The following SRRM4 variants were observed in gnomAD, a reference collection of about 807,000 sequenced individuals.
The protein encoded by SRRM4 is serine/arginine repetitive matrix 4, also known as serine/arginine repetitive matrix protein 4.
A neutral mutation model predicts 68.9 loss-of-function variants in SRRM4; 33 were observed. The observed-to-expected ratio is 0.48, with a 90% CI of 0.36 to 0.64. The LOEUF is 0.64. Among genes scored for constraint, SRRM4 ranks in the 30% least tolerant of loss-of-function variants. The pLI is 0.00. For synonymous variants in SRRM4, 318 were observed against 318.8 expected (o/e 1.00, Z 0.03); for missense variants, 817 against 827.1 (o/e 0.99, Z 0.15).
chr12:119,023,551 G>C (rs1203321941), intron 1 of SRRM4, among the ~76,000 whole-genome samples: 1 of 152,214 alleles, frequency 6.6e-6, no homozygotes, highest in Non-Finnish European at 1.5e-5. Context: ...AGCAGAGCTT[G>C]AGCAGTCCTT....
intron 1 of SRRM4, among the ~76,000 whole-genome samples, chr12:119,018,303 G>A (rs1953494016): frequency 6.6e-6 from 1 of 152,178 alleles, no homozygotes; most frequent in Non-Finnish European, 1.5e-5. Flanking sequence ...CCTTGGGCAT[G>A]CACAGTTATC....
At chr12:119,109,517 C>A (rs914112269) in intron 2 of SRRM4, among the ~76,000 whole-genome samples, 1 of 152,138 alleles carries the variant, frequency 6.6e-6, no homozygotes, top group Admixed American at 6.5e-5. Flanking sequence ...TTGTTCATTT[C>A]TTTTTACTCT....
intron 8 of SRRM4, among the ~76,000 whole-genome samples, chr12:119,134,001 T>G (rs775845268): frequency 6.6e-6 from 1 of 151,890 alleles, no homozygotes; most frequent in Non-Finnish European, 1.5e-5. Flanking sequence ...GGTGAGCCAA[T>G]GAAGGGGGAA....
chr12:119,087,110 C>T (rs1592893175), intron 1 of SRRM4, among the ~76,000 whole-genome samples: 2 of 152,164 alleles, frequency 1.3e-5, no homozygotes, highest in Admixed American at 1.3e-4. Flanking sequence ...CAAATTCCTT[C>T]TCTACCACCT....
At chr12:119,009,218 C>T (rs146525340) in intron 1 of SRRM4, among the ~76,000 whole-genome samples, 1 of 152,258 alleles carries the variant, frequency 6.6e-6, no homozygotes, top group African/African-American at 2.4e-5. Flanking sequence ...TTTAATTATC[C>T]CACCGAATGG....
chr12:119,051,099 T>A (rs1479034383), intron 1 of SRRM4, among the ~76,000 whole-genome samples: 1 of 152,156 alleles, frequency 6.6e-6, no homozygotes, highest in African/African-American at 2.4e-5. Context: ...ACTGAGGGAT[T>A]GCTACTGGTG....
chr12:119,010,933 A>C (rs575728282), intron 1 of SRRM4, among the ~76,000 whole-genome samples: 26 of 152,384 alleles, frequency 1.7e-4, no homozygotes, highest in Middle Eastern at 6.8e-3. Flanking sequence ...GGGATGACAC[A>C]CAAGTTGTAA....
At chr12:119,075,443 A>ATGATGATGG (rs549589612) in intron 1 of SRRM4, among the ~76,000 whole-genome samples, 81,873 of 141,624 alleles carry the variant, frequency 0.58, 23,517 homozygotes, top group Middle Eastern at 0.76. Flanking sequence ...GATGATGGTG[A>ATGATGATGG]TGATGATGGT....
At chr12:119,081,933 A>G (rs540830351) in intron 1 of SRRM4, among the ~76,000 whole-genome samples, 1 of 152,300 alleles carries the variant, frequency 6.6e-6, no homozygotes, top group African/African-American at 2.4e-5. Context: ...ATGTATTTAT[A>G]CCTTTACTTT....
At chr12:119,080,827 A>G (rs1023774481) in intron 1 of SRRM4, among the ~76,000 whole-genome samples, 62 of 152,210 alleles carry the variant, frequency 4.1e-4, no homozygotes, top group African/African-American at 1.4e-3. Flanking sequence ...TTAGTCTTCA[A>G]TCTCTCTTTT....
chr12:119,134,102 T>C (rs67779335), intron 8 of SRRM4, among the ~76,000 whole-genome samples: 16,525 of 152,200 alleles, frequency 0.11, 1,107 homozygotes, highest in African/African-American at 0.18. Flanking sequence ...AAGGATTTTC[T>C]ATGCCATATT....
chr12:119,038,049 A>G (rs1454131956), intron 1 of SRRM4, among the ~76,000 whole-genome samples: 1 of 152,152 alleles, frequency 6.6e-6, no homozygotes, highest in African/African-American at 2.4e-5. Flanking sequence ...TTGAGCAACT[A>G]CTATGGGCCA....
chr12:118,984,278 G>A (rs1226345249), intron 1 of SRRM4, among the ~76,000 whole-genome samples: 1 of 152,168 alleles, frequency 6.6e-6, no homozygotes, highest in African/African-American at 2.4e-5. Flanking sequence ...ACTTACTTAA[G>A]GGTGAAAGTA....
chr12:119,027,683 T>G (rs879834055), intron 1 of SRRM4, among the ~76,000 whole-genome samples: 18 of 152,190 alleles, frequency 1.2e-4, no homozygotes, highest in Non-Finnish European at 2.4e-4. Flanking sequence ...CACTAGACAG[T>G]GGGCAAGTAT....
intron 1 of SRRM4, among the ~76,000 whole-genome samples, chr12:118,998,925 T>C (rs1227111649): frequency 6.6e-6 from 1 of 152,074 alleles, no homozygotes; most frequent in Non-Finnish European, 1.5e-5. Flanking sequence ...CTCAAGACAG[T>C]GGTTTGGGGT....
intron 3 of SRRM4, among the ~76,000 whole-genome samples, chr12:119,114,967 A>C (rs1954169289): frequency 6.6e-6 from 1 of 151,840 alleles, no homozygotes; most frequent in South Asian, 2.1e-4. Flanking sequence ...CCTGGCCGGA[A>C]GCATAGTCTT....
chr12:119,108,606 G>A (rs369817204), intron 2 of SRRM4, among the ~76,000 whole-genome samples: 22 of 151,620 alleles, frequency 1.5e-4, no homozygotes, highest in Non-Finnish European at 3.1e-4. Context: ...TGTTGGTTTA[G>A]AGTCTGTTTT....
chr12:119,055,438 C>G (rs1183450748), intron 1 of SRRM4, among the ~76,000 whole-genome samples: 3 of 151,716 alleles, frequency 2.0e-5, no homozygotes, highest in South Asian at 2.1e-4. Flanking sequence ...TATTTTAGTT[C>G]AGGGTTTTTT....
At chr12:118,984,725 G>C (rs1953271762) in intron 1 of SRRM4, among the ~76,000 whole-genome samples, 1 of 152,080 alleles carries the variant, frequency 6.6e-6, no homozygotes, top group Admixed American at 6.5e-5. Context: ...ACCCCTCTGT[G>C]GGGCATACTT....
Sources: gnomAD v4.1 joint callset for allele counts (sites outside exome capture counted in the v4.1 genomes callset) on GRCh38, gnomAD v4.1.1 for gene constraint, MANE v1.5 for transcripts, NCBI Gene and HGNC (gene_info 2026-07-23, HGNC 2026-07-21) for gene names.